TBC1D8: variants seen among roughly 807,000 people sequenced by gnomAD.
The protein encoded by TBC1D8 is TBC1 domain family member 8, also known as BUB2-like protein 1.
TBC1D8 carries 65 observed loss-of-function variants against 118.8 expected under a neutral mutation model. The observed-to-expected ratio is 0.55, with a 90% confidence interval of 0.45 to 0.67. TBC1D8 has a LOEUF of 0.67. Among genes scored for constraint, TBC1D8 ranks in the 30% least tolerant of loss-of-function variants. The probability of loss-of-function intolerance (pLI) is 0.00; values close to 1 mark genes in which losing one functional copy is unlikely to be tolerated. For missense variants in TBC1D8, 1,376 were observed against 1,471.2 expected (o/e 0.94, Z 1.06); for synonymous variants, 566 against 595.8 (o/e 0.95, Z 0.73).
Position 101,075,289 on chromosome 2 carries a change from T to C in TBC1D8, c.283+14920A>G, listed in dbSNP as rs12612833. Among the ~76,000 whole-genome samples, 662 of 150,042 alleles carry C rather than the reference T, an allele frequency of 4.4e-3. 37 individuals carry two copies. The East Asian group carries it at 0.12, about 26-fold the overall frequency. ...GGCACGCACCTGTAGTCCTAGCTAC[T>C]GGGGAGGCTGAGACACAAGAATTGC... On this transcript the variant is annotated intron_variant, in intron 2 of 19. Coordinates refer to ENST00000409318, the MANE Select transcript of TBC1D8 (RefSeq NM_001330348.2).
In TBC1D8 at chr2:101,007,845, A is replaced by C. The variant is rs751847060; in HGVS notation, c.3444T>G (p.Ser1148=). ...GCTACAAGTTACTCAGCTTAAGTTC[A>C]GATTGTGATTGGTGGCTCATTTCAA... ...KTFEMSHQSQ[S]ELKLSNL The change falls in exon 20 of 20, where the codon TCT becomes TCG. Residue 1148 remains serine (S), a synonymous_variant. Coordinates refer to ENST00000409318, the MANE Select transcript of TBC1D8 (RefSeq NM_001330348.2). 2 of 1,613,448 alleles carry C rather than the reference A, an allele frequency of 1.2e-6. No homozygotes were observed. The highest frequency in any genetic ancestry group is 8.5e-7 in the Non-Finnish European group (1 of 1,179,878).
intron 2 of TBC1D8, among the ~76,000 whole-genome samples, chr2:101,074,130 ATTTTCT>A (rs1157486184): frequency 1.3e-5 from 2 of 152,166 alleles, no homozygotes; most frequent in Non-Finnish European, 2.9e-5. Flanking sequence ...GACATACGAC[ATTTTCT>A]TTTACTTCAG....
At chr2:101,028,272 C>T in intron 13 of TBC1D8, 31 bp downstream of exon 13, 1 of 1,591,022 alleles carries the variant, frequency 6.3e-7, no homozygotes, top group Admixed American at 1.7e-5. Flanking sequence ...TTAGGGGCTG[C>T]AACGGGGCAT....
rs186822889 is a variant in TBC1D8 at position 101,097,248 on chromosome 2, G to C, written c.128-6884C>G. Among the ~76,000 whole-genome samples, 714 of 151,928 alleles carry C rather than the reference G, an allele frequency of 4.7e-3. 2 individuals carry two copies. Among genetic ancestry groups the C allele is most frequent in the African/African-American group, 0.017 (685 of 41,464 alleles). ...TATCCTTCAAAATTGAAGAAATAAC[G>C]GCTTCCTTAAACAAAAACTGAGAAA... On this transcript the variant is annotated intron_variant, in intron 1 of 19. Transcript: ENST00000409318.
chr2:101,054,286 TTCC>T lies in TBC1D8; in HGVS notation c.450_452del (p.Glu151del). The T allele has an allele frequency of 6.3e-7, 1 of 1,589,746 alleles. No individual in the cohort carries two copies. The highest frequency in any genetic ancestry group is 8.6e-7 in the Non-Finnish European group (1 of 1,167,890). ...CCAGGGCTTCTCGGAATTTCTCGGG[TTCC>T]TCCTCCTGCTCGGCGAGCCTGCTGC... On this transcript the variant is annotated inframe_deletion, in exon 4 of 20. Transcript: ENST00000409318.
chr2:101,114,325 G>C (rs1462551565), intron 1 of TBC1D8, among the ~76,000 whole-genome samples: 1 of 151,502 alleles, frequency 6.6e-6, no homozygotes, highest in Non-Finnish European at 1.5e-5. Flanking sequence ...ACATATAAGG[G>C]GGTGCAAGGG....
At chr2:101,088,728 GC>G (rs1167137545) in intron 2 of TBC1D8, among the ~76,000 whole-genome samples, 1 of 151,866 alleles carries the variant, frequency 6.6e-6, no homozygotes, top group Non-Finnish European at 1.5e-5. Context: ...ACACCACCAC[GC>G]CCAGCTAATT....
chr2:101,008,548 C>CT (rs1246329691), intron 19 of TBC1D8, among the ~76,000 whole-genome samples: 13 of 152,282 alleles, frequency 8.5e-5, no homozygotes, highest in African/African-American at 3.1e-4. Context: ...GGCACAGTGG[C>CT]TCCCGCCTGT....
intron 12 of TBC1D8, 83 bp from the exon 13 acceptor site, chr2:101,028,515 C>T (rs1680485215): frequency 6.8e-7 from 1 of 1,480,510 alleles, no homozygotes. Flanking sequence ...GTCAGACATG[C>T]CAGGGCACTT....
intron 1 of TBC1D8, among the ~76,000 whole-genome samples, chr2:101,112,630 T>G (rs1191763321): frequency 2.0e-5 from 3 of 152,102 alleles, no homozygotes. Flanking sequence ...GACGTTGAGG[T>G]GCCATTCTCA....
At chr2:101,037,793 C>A (rs1681116891) in intron 7 of TBC1D8, 85 bp from the exon 8 acceptor site, 1 of 1,558,722 alleles carries the variant, frequency 6.4e-7, no homozygotes, top group Non-Finnish European at 8.7e-7. Context: ...TTTGTTTTGC[C>A]TTTGGATGCA....
chr2:101,017,805 T>A, intron 17 of TBC1D8: 3 of 1,542,198 alleles, frequency 1.9e-6, no homozygotes, highest in Non-Finnish European at 2.6e-6. Flanking sequence ...CTTTTTAATA[T>A]TAGTTTTCAT....
At position 101,095,249 on chromosome 2, in the gene TBC1D8, T is replaced by TTTATTATTATTATTATTATTATTATTA. The variant is rs61200526; in HGVS notation, c.128-4886_128-4885insTAATAATAATAATAATAATAATAATAA. Among the ~76,000 whole-genome samples the TTTATTATTATTATTATTATTATTATTA allele has an allele frequency of 2.1e-3, 308 of 146,586 alleles. 3 individuals are homozygous for TTTATTATTATTATTATTATTATTATTA. Among genetic ancestry groups the TTTATTATTATTATTATTATTATTATTA allele is most frequent in the Middle Eastern group, 3.5e-3 (1 of 286 alleles). On this transcript the variant is annotated intron_variant, in intron 1 of 19. Coordinates refer to ENST00000409318, the MANE Select transcript of TBC1D8 (RefSeq NM_001330348.2). ...GCCAACGCACCAGAGAAGTATTTTC[T>TTTATTATTATTATTATTATTATTATTA]TTATTATTATTATTATTATACTTTA...
In TBC1D8 at chr2:101,117,963, C is replaced by T. The variant is rs1677906293; in HGVS notation, c.128-27599G>A. Among the ~76,000 whole-genome samples the T allele has an allele frequency of 2.0e-5, 3 of 149,574 alleles. No homozygotes were observed. In the South Asian group the frequency reaches 6.4e-4, roughly 32 times the overall value. On this transcript the variant is annotated intron_variant, in intron 1 of 19. Transcript: ENST00000409318. The stretch of plus-strand genomic sequence containing the variant: ...AAGGGGGTGGGAGGACGGCCTCTTG[C>T]AGGGACACTGGAAAGTCATCTCTCA...
At chr2:101,069,865 C>T (rs181352524) in intron 2 of TBC1D8, among the ~76,000 whole-genome samples, 17 of 151,096 alleles carry the variant, frequency 1.1e-4, no homozygotes, top group Admixed American at 1.1e-3. Flanking sequence ...TTACAGATAA[C>T]ATTCTTGGAC....
At chr2:101,034,407 G>A (rs1301852778) in intron 9 of TBC1D8, among the ~76,000 whole-genome samples, 2 of 152,144 alleles carry the variant, frequency 1.3e-5, no homozygotes, top group African/African-American at 2.4e-5. Context: ...TCAAGGGGGC[G>A]CAGCTATGAC....
At chr2:101,097,458 A>G (rs1676536720) in intron 1 of TBC1D8, among the ~76,000 whole-genome samples, 1 of 152,156 alleles carries the variant, frequency 6.6e-6, no homozygotes, top group Non-Finnish European at 1.5e-5. Flanking sequence ...AAGTAGTAAT[A>G]GTAAGAATGT....
intron 1 of TBC1D8, among the ~76,000 whole-genome samples, chr2:101,144,169 G>A (rs907901919): frequency 2.6e-5 from 4 of 152,156 alleles, no homozygotes; most frequent in African/African-American, 9.7e-5. Context: ...TATTTATCAA[G>A]AGTGCTCTGG....
At position 101,147,107 on chromosome 2, in the gene TBC1D8, T is replaced by C. The variant is rs558880760; in HGVS notation, c.127+4020A>G. On this transcript the variant is annotated intron_variant, in intron 1 of 19. Transcript: ENST00000409318. ...GCCGAGGCCGAGGCAGGAGGATGGC[T>C]TGAGGTCAAGAGTTCAAGACCATGT... Among the ~76,000 whole-genome samples, 7 of 152,328 alleles carry C rather than the reference T, an allele frequency of 4.6e-5. No individual in the cohort carries two copies. The South Asian group carries it at 1.5e-3, about 32-fold the overall frequency.
Sources: gnomAD v4.1 joint callset for allele counts (sites outside exome capture counted in the v4.1 genomes callset) on GRCh38, gnomAD v4.1.1 for gene constraint, MANE v1.5 for transcripts, NCBI Gene and HGNC (gene_info 2026-07-23, HGNC 2026-07-21) for gene names.